Variants in PTPN3 observed in about 807,000 individuals in gnomAD.
PTPN3 encodes protein tyrosine phosphatase non-receptor type 3, also known as tyrosine-protein phosphatase non-receptor type 3.
In PTPN3, 96 loss-of-function variants were observed where a neutral mutation model predicts 132.7. That is an observed-to-expected ratio of 0.72 (90% CI 0.61 to 0.86). The LOEUF is 0.86. Ranked by LOEUF, PTPN3 falls within the 40% of genes least tolerant of loss-of-function variation. The probability of loss-of-function intolerance (pLI) is 0.00; values close to 1 mark genes in which losing one functional copy is unlikely to be tolerated. For missense variants in PTPN3, 1,125 were observed against 1,159.6 expected, an observed-to-expected ratio of 0.97 and a Z score of 0.43; for synonymous variants, 398 against 429.0, an observed-to-expected ratio of 0.93 and a Z score of 0.89.
intron 2 of PTPN3, among the ~76,000 whole-genome samples, chr9:109,462,006 T>C (rs1415863791): frequency 6.6e-6 from 1 of 152,206 alleles, no homozygotes; most frequent in Non-Finnish European, 1.5e-5. Context: ...TGAATTTCCT[T>C]GCTGGAGTTT....
chr9:109,497,931 GC>G (rs1172024912), intron 1 of PTPN3, among the ~76,000 whole-genome samples: 2 of 148,210 alleles, frequency 1.3e-5, no homozygotes, highest in African/African-American at 4.9e-5. Context: ...TGGAGCGCAC[GC>G]CCACGCTCCG....
intron 20 of PTPN3, 42 bp downstream of exon 20, chr9:109,391,429 C>T (rs760395991): frequency 6.5e-7 from 1 of 1,546,974 alleles, no homozygotes; most frequent in East Asian, 2.2e-5. Flanking sequence ...GAAACATTAT[C>T]TCAGTGTAGG....
At chr9:109,406,687 C>T (rs541063013) in intron 17 of PTPN3, 69 bp from the exon 18 acceptor site, 30 of 1,574,276 alleles carry the variant, frequency 1.9e-5, no homozygotes, top group African/African-American at 4.0e-5. Context: ...AACGCTGACT[C>T]GCTCTGCTCC....
At chr9:109,492,401 C>T (rs992880662) in intron 1 of PTPN3, among the ~76,000 whole-genome samples, 19 of 152,312 alleles carry the variant, frequency 1.2e-4, no homozygotes, top group East Asian at 3.9e-4. Context: ...TCCTGAGAAC[C>T]GGGACCTGTG....
chr9:109,494,990 C>T (rs1397641538), intron 1 of PTPN3, among the ~76,000 whole-genome samples: 2 of 152,032 alleles, frequency 1.3e-5, no homozygotes, highest in Non-Finnish European at 1.5e-5. Flanking sequence ...AACCCATTAC[C>T]AAATCAGTTT....
At chr9:109,449,163 T>G in intron 5 of PTPN3, 4 of 1,158,664 alleles carry the variant, frequency 3.5e-6, no homozygotes, top group Non-Finnish European at 4.2e-6. Context: ...GCTGGTACTA[T>G]GGGTTCCGCT....
chr9:109,381,675 G>A lies in PTPN3; in HGVS notation c.2641C>T (p.Arg881Cys), dbSNP rs1439374015. 7 of 1,614,064 alleles carry A rather than the reference G, an allele frequency of 4.3e-6. No homozygotes were observed. Among genetic ancestry groups the A allele is most frequent in the Non-Finnish European group, 5.1e-6 (6 of 1,180,020 alleles). The part of the protein sequence containing the change: ...LDIVRKMRDQ[R>C]AMMVQTSSQY... ...ACTGATGTCTGCACCATCATGGCGC[G>A]CTGGTCTCGCATTTTTCGGACAATA... Residue 881 changes from arginine to cysteine, a missense_variant, in exon 25 of 26, where the codon CGC becomes TGC. Arg to Cys is a radical substitution (Grantham distance 180). Transcript: ENST00000374541.
At chr9:109,478,512 C>G (rs925743381) in intron 1 of PTPN3, among the ~76,000 whole-genome samples, 9 of 152,072 alleles carry the variant, frequency 5.9e-5, no homozygotes. Flanking sequence ...AAGCATGTGA[C>G]CAAGGACAGG....
In PTPN3 at chr9:109,468,613, A is replaced by G. The variant is rs558914069; in HGVS notation, c.-17-5162T>C. ...GATCTCCTGACCTCGTGATCCGCCC[A>G]CCTCGGCCTCCCAAAGTGCTGGGAT... On this transcript the variant is annotated intron_variant, in intron 1 of 25. Transcript: ENST00000374541. 3.3e-5 allele frequency among the ~76,000 whole-genome samples: 5 copies of G among 152,092 alleles called. No individual in the cohort carries two copies. The East Asian group carries it at 9.7e-4, about 29-fold the overall frequency.
the PTPN3 span, among the ~76,000 whole-genome samples, chr9:109,523,467 T>C: frequency 6.6e-6 from 1 of 152,078 alleles, no homozygotes; most frequent in Non-Finnish European, 1.5e-5. Flanking sequence ...GCATACCACC[T>C]GGTACAAGAA....
At chr9:109,395,053 T>C (rs964193917) in intron 19 of PTPN3, among the ~76,000 whole-genome samples, 49 of 150,832 alleles carry the variant, frequency 3.2e-4, no homozygotes, top group African/African-American at 1.1e-3. Flanking sequence ...GGCAGGAGAA[T>C]GGCGTGAACC....
chr9:109,453,050 G>T (rs1293164845), intron 5 of PTPN3, among the ~76,000 whole-genome samples: 1 of 152,186 alleles, frequency 6.6e-6, no homozygotes, highest in Non-Finnish European at 1.5e-5. Flanking sequence ...AGAGGACAGG[G>T]CATGCTTCTG....
chr9:109,436,762 A>G (rs991069548), intron 9 of PTPN3, 121 bp downstream of exon 9: 1 of 1,394,474 alleles, frequency 7.2e-7, no homozygotes, highest in South Asian at 1.7e-5. Context: ...AACCTTCCAA[A>G]TATCTTTTAA....
chr9:109,470,472 GAAGT>G (rs1341492855), intron 1 of PTPN3, among the ~76,000 whole-genome samples: 1 of 151,316 alleles, frequency 6.6e-6, no homozygotes, highest in Non-Finnish European at 1.5e-5. Context: ...AAACTCCTCT[GAAGT>G]AAGTGGGGTA....
chr9:109,526,849 A>G, the PTPN3 span, among the ~76,000 whole-genome samples: 1 of 152,250 alleles, frequency 6.6e-6, no homozygotes, highest in African/African-American at 2.4e-5. Context: ...TAGAGATTCC[A>G]GCAACAATCC....
rs2131906934 is a variant in PTPN3, at chr9:109,433,171, G to C, written c.676-10C>G. 6.2e-7 allele frequency: 1 copy of C among 1,613,718 alleles called. No homozygotes were observed. Among genetic ancestry groups the C allele is most frequent in the Non-Finnish European group, 8.5e-7 (1 of 1,179,932 alleles). On this transcript the variant is annotated splice_polypyrimidine_tract_variant and intron_variant, in intron 9 of 25. Coordinates refer to ENST00000374541, the MANE Select transcript of PTPN3 (RefSeq NM_002829.4). ...CTAAATTGTGCAGATCCTGTAAAAA[G>C]GAAGATCTCAGATCCACAGCATGTT...
In PTPN3 at chr9:109,410,043, G is replaced by A. The variant is rs747877274; in HGVS notation, c.1534C>T (p.Arg512Cys). Residue 512 changes from arginine (R) to cysteine (C), a missense_variant, in exon 16 of 26, where the codon CGT becomes TGT. Arg to Cys is a radical substitution (Grantham distance 180, BLOSUM62 -3). Transcript: ENST00000374541. Reference protein sequence around the residue: ...DNGDSYLVLIRITPDEDGKFG... With the variant: ...DNGDSYLVLICITPDEDGKFG... Reference sequence around the variant, plus strand: ...TTTCCATCTTCATCTGGTGTGATACGGATCAAGACTAAGTAGCTGTCACCA... The same window carrying A: ...TTTCCATCTTCATCTGGTGTGATACAGATCAAGACTAAGTAGCTGTCACCA... 8.1e-6 allele frequency: 13 copies of A among 1,614,014 alleles called. No homozygotes were observed. The highest frequency in any genetic ancestry group is 6.7e-5 in the African/African-American group (5 of 74,892).
chr9:109,430,682 T>C (rs1320827698), intron 10 of PTPN3, among the ~76,000 whole-genome samples: 3 of 152,188 alleles, frequency 2.0e-5, no homozygotes, highest in Non-Finnish European at 4.4e-5. Flanking sequence ...TAAAGAATGA[T>C]GCATGGAAGT....
intron 21 of PTPN3, among the ~76,000 whole-genome samples, chr9:109,390,749 G>T (rs1387792999): frequency 6.6e-6 from 1 of 151,916 alleles, no homozygotes; most frequent in Non-Finnish European, 1.5e-5. Context: ...GTACAGAGGA[G>T]GTTTTATTTT....
Sources: allele counts gnomAD v4.1 joint callset (sites outside exome capture counted in the v4.1 genomes callset), GRCh38; gene constraint gnomAD v4.1.1; transcripts MANE v1.5; gene names NCBI Gene and HGNC (gene_info 2026-07-23, HGNC 2026-07-21).